Variants in MCM7 observed in about 807,000 individuals in gnomAD.
The protein encoded by MCM7 is minichromosome maintenance complex component 7.
Under a neutral mutation model 83.5 loss-of-function variants are expected in MCM7, and 95 were observed. The ratio of observed to expected loss-of-function variants is 1.14; its 90% confidence interval spans 0.96 to 1.35. MCM7 has a LOEUF of 1.35. Among genes scored for constraint, MCM7 ranks in the 40% most tolerant of loss-of-function variants. The pLI, the probability that MCM7 is intolerant of heterozygous loss-of-function variation, is 0.00. For synonymous variants in MCM7, 461 were observed against 352.7 expected, an observed-to-expected ratio of 1.31 and a Z score of -3.44; for missense variants, 1,087 against 957.4, an observed-to-expected ratio of 1.14 and a Z score of -1.79.
At chr7:100,101,134 G>C in intron 1 of MCM7, 130 bp downstream of exon 1, 1 of 1,177,184 alleles carries the variant, frequency 8.5e-7, no homozygotes, top group East Asian at 2.4e-5. Context: ...GCCGCAGCTC[G>C]ACCCTGCCTC....
At chr7:100,097,275 A>T (rs1230519589) in intron 10 of MCM7, 26 bp downstream of exon 10, 4 of 1,604,028 alleles carry the variant, frequency 2.5e-6, no homozygotes, top group Non-Finnish European at 3.4e-6. Context: ...CACTATATTC[A>T]CCTCCCGCAA....
At position 100,097,268 on chromosome 7, in the gene MCM7, T is replaced by C; in HGVS notation, c.1201+33A>G. 5 of 1,588,946 alleles carry C rather than the reference T, an allele frequency of 3.1e-6. No individual in the cohort carries two copies. In the East Asian group the frequency reaches 8.9e-5, roughly 28 times the overall value. On this transcript the variant is annotated intron_variant, in intron 10 of 14. Coordinates refer to ENST00000303887, the MANE Select transcript of MCM7 (RefSeq NM_005916.5). ...TAAACACTGTGGTCCTGTCTGTCAC[T>C]ATATTCACCTCCCGCAAAGCCCAAC...
rs1263034966 is a variant in MCM7, at chr7:100,100,014, C to G, written c.111G>C (p.Leu37Phe). 5.0e-6 allele frequency: 8 copies of G among 1,613,612 alleles called. No individual in the cohort carries two copies. The highest frequency in any genetic ancestry group is 6.8e-6 in the Non-Finnish European group (8 of 1,179,554). ...TCCCTTTACCCAATCTTAGACTTAC[C>G]AACTGGTTCCCATACTTGAACTGCT... ...GKKQFKYGNQ[L>F]VRLAHREQVA... Residue 37 changes from leucine to phenylalanine, a missense_variant and splice_region_variant, in exon 2 of 15, where the codon TTG becomes TTC. Coordinates refer to ENST00000303887, the MANE Select transcript of MCM7 (RefSeq NM_005916.5).
In MCM7 at chr7:100,100,065, G is replaced by A. The variant is rs774274421; in HGVS notation, c.60C>T (p.Phe20=). 5.0e-6 allele frequency: 8 copies of A among 1,614,010 alleles called. No individual in the cohort carries two copies. The Admixed American group carries it at 1.2e-4, about 24-fold the overall frequency. The change falls in exon 2 of 15, where the codon TTC becomes TTT. Residue 20 remains phenylalanine, a synonymous_variant. Transcript: ENST00000303887. ...KEKVKKFLQE[F]YQDDELGKKQ... is the part of the protein sequence containing the mutation. ...TCTTCCCGAGTTCATCATCCTGGTA[G>A]AACTCTTGTAAGAACTTCTTAACCT...
intron 11 of MCM7, 27 bp downstream of exon 11, chr7:100,095,745 CCT>C: frequency 6.5e-7 from 1 of 1,540,674 alleles, no homozygotes; most frequent in East Asian, 2.3e-5. Context: ...TTACAGGGGA[CCT>C]CTCTTTGGGT....
rs1481496081 is a variant in MCM7, at chr7:100,098,680, G to A, written c.618C>T (p.Cys206=). The A allele has an allele frequency of 6.2e-7, 1 of 1,614,100 alleles. No homozygotes were observed. The highest frequency in any genetic ancestry group is 1.1e-5 in the South Asian group (1 of 91,084). ...GGTTGGTTTGGCACTCCTGGCTTGG[G>A]CACATGATCAGAGGCATGAAAGTGG... ...QSPTFMPLIM[C]PSQECQTNRS... Residue 206 remains cysteine (C), a synonymous_variant, in exon 6 of 15, where the codon TGC becomes TGT. Transcript: ENST00000303887.
chr7:100,093,376 A>G lies in MCM7; in HGVS notation c.1874T>C (p.Val625Ala), dbSNP rs1584483164. 6.2e-7 allele frequency: 1 copy of G among 1,613,960 alleles called. No individual in the cohort carries two copies. Residue 625 changes from valine to alanine, a missense_variant, in exon 14 of 15, where the codon GTG (valine) becomes GCG (alanine). By Grantham distance (64) the Val-to-Ala change is moderately conservative (BLOSUM62 0). Transcript: ENST00000303887. ...ALARLRMVDV[V>A]EKEDVNEAIR... ...GGCTTCATTCACATCTTCTTTCTCC[A>G]CCACATCCACCATTCTCAGACGTGC...
intron 6 of MCM7, 36 bp downstream of exon 6, chr7:100,098,542 G>C: frequency 6.2e-7 from 1 of 1,611,610 alleles, no homozygotes; most frequent in East Asian, 2.2e-5. Context: ...GTGGACTCCC[G>C]ATCCACCTGC....
intron 10 of MCM7, among the ~76,000 whole-genome samples, chr7:100,096,884 C>T (rs1178589637): frequency 6.6e-6 from 1 of 152,156 alleles, no homozygotes; most frequent in African/African-American, 2.4e-5. Flanking sequence ...GGGCGGATCA[C>T]GAGGTCAGGA....
intron 1 of MCM7, chr7:100,100,514 C>T (rs902386837): frequency 4.1e-5 from 41 of 1,001,898 alleles, no homozygotes; most frequent in Admixed American, 1.1e-4. Context: ...CTCCCGCCAT[C>T]GCTTCCGCTC....
chr7:100,101,265 C>G lies in MCM7; in HGVS notation c.30G>C (p.Lys10Asn), dbSNP rs779791120. 4 of 1,613,146 alleles carry G rather than the reference C, an allele frequency of 2.5e-6. No individual in the cohort carries two copies. The highest frequency in any genetic ancestry group is 1.3e-5 in the African/African-American group (1 of 74,946). Residue 10 changes from lysine (K) to asparagine (N), a missense_variant and splice_region_variant, in exon 1 of 15, where the codon AAG becomes AAC. Physicochemically the swap from Lys to Asn is moderately conservative, Grantham distance 94. Transcript: ENST00000303887. ...CCTCCCGGGCTCGTAGACCCGTACC[C>G]TTCTCTAGCGCGTAGTCCTTCAGTG... MALKDYALE[K>N]EKVKKFLQEF...
At position 100,095,861 on chromosome 7, in the gene MCM7, T is replaced by C. The variant is rs1170715046; in HGVS notation, c.1508A>G (p.Gln503Arg). The C allele has an allele frequency of 4.3e-6, 7 of 1,613,172 alleles. No homozygotes were observed. The highest frequency in any genetic ancestry group is 5.9e-6 in the Non-Finnish European group (7 of 1,179,942). ...CAGTGCAGCAGGTAGCTGTATGTTC[T>C]GCTCCAGGCTGCGGCGAGGGTTGTA... ...GRYNPRRSLE[Q>R]NIQLPAALLS... Residue 503 changes from glutamine (Q) to arginine (R), a missense_variant, in exon 11 of 15, where the codon CAG becomes CGG. By Grantham distance (43) the Gln-to-Arg change is conservative (BLOSUM62 1). Transcript: ENST00000303887.
chr7:100,095,469 AC>A lies in MCM7; in HGVS notation c.1596del (p.Leu533TrpfsTer24). On this transcript the variant is annotated frameshift_variant and splice_region_variant, in exon 12 of 15. Transcript: ENST00000303887. LOFTEE classifies it high-confidence loss of function. ...QDRPDRDNDL[R>X]LAQHITYVHQ... ...TGCACATAGGTGATGTGCTGGGCCA[AC>A]CTGGACAGAGGGAAGGTTAGAAGGA... The A allele has an allele frequency of 6.2e-7, 1 of 1,614,012 alleles. No homozygotes were observed. Among genetic ancestry groups the A allele is most frequent in the Non-Finnish European group, 8.5e-7 (1 of 1,179,938 alleles).
intron 9 of MCM7, 38 bp from the exon 10 acceptor site, chr7:100,097,422 C>T (rs1194287861): frequency 1.2e-6 from 2 of 1,606,428 alleles, no homozygotes; most frequent in African/African-American, 2.7e-5. Flanking sequence ...TGACTCTTCT[C>T]CCAGTGCTTG....
At chr7:100,093,531 C>T (rs1468887877) in intron 13 of MCM7, 130 bp from the exon 14 acceptor site, 4 of 841,388 alleles carry the variant, frequency 4.8e-6, no homozygotes, top group Non-Finnish European at 8.4e-6. Context: ...GGAGTGGAAT[C>T]CCCCCTCCCC....
At position 100,093,152 on chromosome 7, in the gene MCM7, T is replaced by C. The variant is rs567936791; in HGVS notation, c.1959-19A>G. On this transcript the variant is annotated intron_variant, in intron 14 of 14. Transcript: ENST00000303887. The stretch of plus-strand genomic sequence containing the variant: ...CTGAGTCCTGAAGGAAATGAGTGGG[T>C]GTGTAAGGTCAGGATACAAACAGGA... The C allele has an allele frequency of 6.8e-6, 11 of 1,612,242 alleles. No individual in the cohort carries two copies. The East Asian group carries it at 1.6e-4, about 23-fold the overall frequency.
In MCM7 at chr7:100,093,401, C is replaced by CTT. The variant is rs777075430; in HGVS notation, c.1849-1_1849insAA (p.Ala617LysfsTer4). On this transcript the variant is annotated frameshift_variant and splice_region_variant. Transcript: ENST00000303887. LOFTEE classifies it high-confidence loss of function. ...ACCACATCCACCATTCTCAGACGTG[C>CTT]CTAAGGGGAAGGTAGGGGGGAAAGA... The CTT allele has an allele frequency of 1.2e-5, 20 of 1,613,758 alleles. No homozygotes were observed. The highest frequency in any genetic ancestry group is 1.4e-5 in the Non-Finnish European group (17 of 1,179,862).
chr7:100,097,598 C>A lies in MCM7; in HGVS notation c.1117+16G>T. 6.2e-7 allele frequency: 1 copy of A among 1,613,222 alleles called. No homozygotes were observed. Among genetic ancestry groups the A allele is most frequent in the South Asian group, 1.1e-5 (1 of 91,044 alleles). Reference sequence around the variant, plus strand: ...TGACTTCATCCACCCTGAGCCTCTCCCTTGTTTCTTCTTACCCCGGATTTT... The same window carrying A: ...TGACTTCATCCACCCTGAGCCTCTCACTTGTTTCTTCTTACCCCGGATTTT... On this transcript the variant is annotated intron_variant, in intron 9 of 14. Coordinates refer to ENST00000303887, the MANE Select transcript of MCM7 (RefSeq NM_005916.5).
At position 100,098,308 on chromosome 7, in the gene MCM7, A is replaced by G. The variant is rs1249571376; in HGVS notation, c.721-18T>C. 6.2e-7 allele frequency: 1 copy of G among 1,613,030 alleles called. No individual in the cohort carries two copies. Among genetic ancestry groups the G allele is most frequent in the East Asian group, 2.2e-5 (1 of 44,884 alleles). On this transcript the variant is annotated intron_variant, in intron 6 of 14. Coordinates refer to ENST00000303887, the MANE Select transcript of MCM7 (RefSeq NM_005916.5). ...TGATCACTCTAGGGGAGGGAAAGGC[A>G]CATAAGACTAGGAGAAATGGACAAG...
Sources: gnomAD v4.1 joint callset for allele counts (sites outside exome capture counted in the v4.1 genomes callset) on GRCh38, gnomAD v4.1.1 for gene constraint, MANE v1.5 for transcripts, NCBI Gene and HGNC (gene_info 2026-07-23, HGNC 2026-07-21) for gene names.